The following PON3 variants were observed in gnomAD, a reference collection of about 807,000 sequenced individuals.
PON3 encodes paraoxonase 3, also known as serum paraoxonase/lactonase 3.
Under a neutral mutation model 36.3 loss-of-function variants are expected in PON3, and 37 were observed. The ratio of observed to expected loss-of-function variants is 1.02; its 90% CI spans 0.78 to 1.34. PON3 has a LOEUF of 1.34. Among genes scored for constraint, PON3 ranks in the 40% most tolerant of loss-of-function variants. The probability of loss-of-function intolerance (pLI) is 0.00; values close to 1 mark genes in which losing one functional copy is unlikely to be tolerated. For synonymous variants in PON3, 155 were observed against 154.8 expected (o/e 1.00, Z -0.01); for missense variants, 415 against 426.5 (o/e 0.97, Z 0.24).
At position 95,367,474 on chromosome 7, in the gene PON3, G is replaced by A; in HGVS notation, c.382C>T (p.Leu128Phe). 6.2e-7 allele frequency: 1 copy of A among 1,613,070 alleles called. No individual in the cohort carries two copies. The highest frequency in any genetic ancestry group is 8.5e-7 in the Non-Finnish European group (1 of 1,179,378). Residue 128 changes from leucine (L) to phenylalanine (F), a missense_variant, in exon 5 of 9, where the codon CTT becomes TTT. Transcript: ENST00000265627. Reference protein sequence around the residue: ...IFIDKDNTVYLYVVNHPHMKS... With the variant: ...IFIDKDNTVYFYVVNHPHMKS... ...ATGTGGGGATGATTCACAACATAAA[G>A]ATACACAGTATTGTCTACATGGAAA...
In PON3 at chr7:95,367,554, T is replaced by C. The variant is rs1808726328; in HGVS notation, c.368-66A>G. 1.9e-6 allele frequency: 3 copies of C among 1,577,798 alleles called. No homozygotes were observed. In the Admixed American group the frequency reaches 5.0e-5, roughly 26 times the overall value. On this transcript the variant is annotated intron_variant, in intron 4 of 8. Coordinates refer to ENST00000265627, the MANE Select transcript of PON3 (RefSeq NM_000940.3). ...TATCACAACTAATATTAGACTTGTT[T>C]TAAAACTTGGTCACTTCCAAAAGTT... is the stretch of plus-strand genomic sequence containing the variant.
intron 3 of PON3, among the ~76,000 whole-genome samples, chr7:95,377,131 A>C (rs936398306): frequency 6.6e-6 from 1 of 152,178 alleles, no homozygotes; most frequent in Admixed American, 6.5e-5. Context: ...ACGCCCACAG[A>C]GCCTTGCTCA....
intron 3 of PON3, among the ~76,000 whole-genome samples, chr7:95,374,039 G>A (rs1358185998): frequency 6.6e-6 from 1 of 152,140 alleles, no homozygotes; most frequent in Non-Finnish European, 1.5e-5. Context: ...CTCCTTATGA[G>A]AATCTAATGC....
In PON3 at chr7:95,363,872, G is replaced by C. The variant is rs765971727; in HGVS notation, c.686C>G (p.Ala229Gly). ...FCSANGITVSADQKYVYVADV... is the reference protein window; with the variant it reads ...FCSANGITVSGDQKYVYVADV... Reference sequence around the variant, plus strand: ...ACACAAAAGAGCTTACTTCTGGTCTGCTGAGACTGTGATCCCATTGGCACT... The same window carrying C: ...ACACAAAAGAGCTTACTTCTGGTCTCCTGAGACTGTGATCCCATTGGCACT... Residue 229 changes from alanine (A) to glycine (G), a missense_variant, in exon 6 of 9, where the codon GCA (alanine) becomes GGA (glycine). Transcript: ENST00000265627. 6.2e-7 allele frequency: 1 copy of C among 1,613,100 alleles called. No homozygotes were observed. The highest frequency in any genetic ancestry group is 8.5e-7 in the Non-Finnish European group (1 of 1,179,214).
intron 2 of PON3, 103 bp downstream of exon 2, chr7:95,394,541 G>A (rs1021115748): frequency 4.1e-6 from 4 of 985,422 alleles, no homozygotes; most frequent in Non-Finnish European, 6.5e-6. Flanking sequence ...CCACTGGGAG[G>A]GCTTAAGTAG....
chr7:95,373,299 C>T (rs898626263), intron 3 of PON3, among the ~76,000 whole-genome samples: 1 of 152,172 alleles, frequency 6.6e-6, no homozygotes, highest in Non-Finnish European at 1.5e-5. Flanking sequence ...ACTTATGATA[C>T]TATTACTGGC....
At chr7:95,375,348 ACACT>A (rs1259454880) in intron 3 of PON3, among the ~76,000 whole-genome samples, 3 of 150,110 alleles carry the variant, frequency 2.0e-5, no homozygotes, top group East Asian at 1.9e-4. Flanking sequence ...ATATATATAC[ACACT>A]CACATATGTT....
chr7:95,379,668 C>T (rs561837445), intron 3 of PON3, among the ~76,000 whole-genome samples: 1 of 152,316 alleles, frequency 6.6e-6, no homozygotes, highest in South Asian at 2.1e-4. Flanking sequence ...GGGCGCCCGC[C>T]ATTGCTGAGG....
At chr7:95,367,873 G>C (rs1477090296) in intron 4 of PON3, among the ~76,000 whole-genome samples, 1 of 152,210 alleles carries the variant, frequency 6.6e-6, no homozygotes, top group Admixed American at 6.5e-5. Context: ...AAACTTTGCT[G>C]AGATGTTGTG....
chr7:95,369,975 A>G (rs1472823980), intron 4 of PON3, among the ~76,000 whole-genome samples: 4 of 152,166 alleles, frequency 2.6e-5, no homozygotes, highest in African/African-American at 9.7e-5. Context: ...GGAACAGCAG[A>G]TGTAAAGATC....
rs750490944 is a variant in PON3, at chr7:95,360,139, G to A, written c.907-8C>T. On this transcript the variant is annotated splice_polypyrimidine_tract_variant and splice_region_variant and intron_variant, in intron 8 of 8. Coordinates refer to ENST00000265627, the MANE Select transcript of PON3 (RefSeq NM_000940.3). Reference sequence around the variant, plus strand: ...ATTCTGGATGCGAAGTACCTGTCGAGAAAAGATCGTTTATTAGTATATTAT... The same window carrying A: ...ATTCTGGATGCGAAGTACCTGTCGAAAAAAGATCGTTTATTAGTATATTAT... The A allele has an allele frequency of 3.1e-6, 5 of 1,611,212 alleles. No homozygotes were observed. The highest frequency in any genetic ancestry group is 4.5e-5 in the East Asian group (2 of 44,852).
At position 95,388,190 on chromosome 7, in the gene PON3, A is replaced by G. The variant is rs542879855; in HGVS notation, c.201+1964T>C. On this transcript the variant is annotated intron_variant, in intron 3 of 8. Coordinates refer to ENST00000265627, the MANE Select transcript of PON3 (RefSeq NM_000940.3). ...GGGAGAAAATTTTTGCAATCTACCC[A>G]TCTGACAAAGGGCTAACATCCAGAA... Among the ~76,000 whole-genome samples the G allele has an allele frequency of 3.3e-5, 5 of 152,342 alleles. No individual in the cohort carries two copies. In the East Asian group the frequency reaches 7.7e-4, roughly 24 times the overall value.
At chr7:95,394,588 G>A in intron 2 of PON3, 56 bp downstream of exon 2, 1 of 1,487,708 alleles carries the variant, frequency 6.7e-7, no homozygotes, top group Non-Finnish European at 9.4e-7. Context: ...GGCTCAGTCA[G>A]GTGGATGACG....
rs376455115 is a variant in PON3, at chr7:95,372,179, C to G, written c.361G>C (p.Asp121His). 1.2e-6 allele frequency: 2 copies of G among 1,613,238 alleles called. No individual in the cohort carries two copies. Among genetic ancestry groups the G allele is most frequent in the East Asian group, 4.5e-5 (2 of 44,846 alleles). The change falls in exon 4 of 9, where the codon GAC (aspartate) becomes CAC (histidine). Residue 121 changes from aspartate (D) to histidine (H), a missense_variant. Transcript: ENST00000265627. ...FNPHGISIFI[D>H]KDNTVYLYVV... ...CTAAACATACAGGTTTTACCTTTGT[C>G]GATGAAAATACTGATCCCATGTGGA...
At chr7:95,375,683 C>A (rs1182324531) in intron 3 of PON3, among the ~76,000 whole-genome samples, 5 of 152,204 alleles carry the variant, frequency 3.3e-5, no homozygotes, top group Admixed American at 3.3e-4. Context: ...GGGCAGGGCA[C>A]TGCAAACAAG....
At chr7:95,376,149 A>G (rs1246867424) in intron 3 of PON3, among the ~76,000 whole-genome samples, 1 of 152,218 alleles carries the variant, frequency 6.6e-6, no homozygotes, top group Non-Finnish European at 1.5e-5. Flanking sequence ...GGGAACATTG[A>G]AGAGGCACCT....
intron 6 of PON3, chr7:95,363,350 C>T (rs879900418): frequency 5.5e-6 from 1 of 182,110 alleles, no homozygotes; most frequent in Non-Finnish European, 1.2e-5. Context: ...TTTTTAAACA[C>T]TTTTTAAAAG....
At chr7:95,369,058 T>C (rs1222826763) in intron 4 of PON3, among the ~76,000 whole-genome samples, 1 of 152,234 alleles carries the variant, frequency 6.6e-6, no homozygotes, top group Non-Finnish European at 1.5e-5. Context: ...TCTGTCTGAG[T>C]TCTGGATCAG....
At chr7:95,394,738 T>A (rs1484580304) in intron 1 of PON3, 24 bp from the exon 2 acceptor site, 2 of 1,601,654 alleles carry the variant, frequency 1.2e-6, no homozygotes, top group Admixed American at 3.3e-5. Context: ...AACCCAACCC[T>A]GGAAGTCAAG....
Sources: allele counts gnomAD v4.1 joint callset (sites outside exome capture counted in the v4.1 genomes callset), GRCh38; gene constraint gnomAD v4.1.1; transcripts MANE v1.5; gene names NCBI Gene and HGNC (gene_info 2026-07-23, HGNC 2026-07-21).